The following TIAM1 variants were observed in gnomAD, a reference collection of about 807,000 sequenced individuals.
The protein encoded by TIAM1 is TIAM Rac1 associated GEF 1, also known as rho guanine nucleotide exchange factor TIAM1.
In TIAM1, 65 loss-of-function variants were observed where a neutral mutation model predicts 163.5. That is an observed-to-expected ratio of 0.40 (90% CI 0.33 to 0.49). The LOEUF (loss-of-function observed/expected upper bound fraction) is 0.49, where lower values mean the gene tolerates loss of function less well. Among genes scored for constraint, TIAM1 ranks in the 20% least tolerant of loss-of-function variants. TIAM1 has a pLI of 0.77. For synonymous variants in TIAM1, 833 were observed against 810.1 expected, an observed-to-expected ratio of 1.03 and a Z score of -0.48; for missense variants, 1,789 against 2,044.7, an observed-to-expected ratio of 0.87 and a Z score of 2.41.
chr21:31,208,545 C>T (rs1237435902), intron 11 of TIAM1, among the ~76,000 whole-genome samples: 1 of 152,174 alleles, frequency 6.6e-6, no homozygotes, highest in Non-Finnish European at 1.5e-5. Context: ...ATACCATTAT[C>T]TCCAAAAGCT....
rs373917748 is a variant in TIAM1 at position 31,510,906 on chromosome 21, G to A, written c.-421-46871C>T. ...GATGAGGACATATTGGAGTAGGGTG[G>A]TCCCTGAGTTCCTATGACTGGTGTC... On this transcript the variant is annotated intron_variant, in intron 1 of 28. Transcript: ENST00000286827. Among the ~76,000 whole-genome samples the A allele has an allele frequency of 1.3e-4, 20 of 152,278 alleles. No homozygotes were observed. The East Asian group carries it at 2.9e-3, about 22-fold the overall frequency.
chr21:31,375,902 C>T (rs888021752), intron 2 of TIAM1, among the ~76,000 whole-genome samples: 1 of 152,024 alleles, frequency 6.6e-6, no homozygotes, highest in African/African-American at 2.4e-5. Flanking sequence ...TGGTGGGCGC[C>T]TGTAATCCCA....
At chr21:31,299,718 C>A (rs758253761) in intron 2 of TIAM1, among the ~76,000 whole-genome samples, 9 of 152,162 alleles carry the variant, frequency 5.9e-5, no homozygotes, top group African/African-American at 1.7e-4. Flanking sequence ...CAGAGCCAGA[C>A]AGAATCGGCG....
In TIAM1 at chr21:31,342,835, G is replaced by A. The variant is rs368070776; in HGVS notation, c.-369+1303C>T. On this transcript the variant is annotated intron_variant, in intron 1 of 27. Transcript: ENST00000541036. ...TTTAAAAGTAATTTCCTCTCCATCT[G>A]TATCTTTAACTTCAAGGAAGTGGGA... Among the ~76,000 whole-genome samples the A allele has an allele frequency of 5.4e-4, 82 of 152,266 alleles. No homozygotes were observed. In the South Asian group the frequency reaches 0.016, roughly 30 times the overall value.
At chr21:31,550,833 A>C (rs988087550) in intron 1 of TIAM1, among the ~76,000 whole-genome samples, 16 of 152,190 alleles carry the variant, frequency 1.1e-4, no homozygotes, top group African/African-American at 3.4e-4. Flanking sequence ...AAGGGCAGGG[A>C]GGGATTAAAA....
chr21:31,271,608 A>G (rs2073059633), intron 3 of TIAM1, among the ~76,000 whole-genome samples: 1 of 152,104 alleles, frequency 6.6e-6, no homozygotes, highest in African/African-American at 2.4e-5. Context: ...GCACCTGTCT[A>G]ATTCCACTGA....
chr21:31,452,404 C>A, intron 2 of TIAM1: 1 of 283,662 alleles, frequency 3.5e-6, no homozygotes. Flanking sequence ...GCACTCCGGC[C>A]TGGGCCACAG....
At chr21:31,444,725 G>A (rs1046619790) in intron 2 of TIAM1, among the ~76,000 whole-genome samples, 2 of 152,158 alleles carry the variant, frequency 1.3e-5, no homozygotes, top group Admixed American at 6.5e-5. Flanking sequence ...CAGGCCAGGC[G>A]CGGTGGCTCA....
intron 12 of TIAM1, 93 bp from the exon 13 acceptor site, chr21:31,195,398 ATACT>A (rs1282217106): frequency 2.0e-5 from 18 of 882,122 alleles, no homozygotes; most frequent in South Asian, 3.3e-5. Flanking sequence ...TTCACAATTG[ATACT>A]TACGTGAATT....
chr21:31,266,359 T>C lies in TIAM1; in HGVS notation c.614A>G (p.Glu205Gly). The C allele has an allele frequency of 1.9e-6, 3 of 1,614,252 alleles. No homozygotes were observed. The highest frequency in any genetic ancestry group is 2.5e-6 in the Non-Finnish European group (3 of 1,180,046). ...CCCCCGAGCCTCCTCGCAGTCCTTC[T>C]CTTCGGCGGAACCCAAGATTTCTTC... ...SNEEILGSAE[E>G]KDCEEARGME... Residue 205 changes from glutamate (E) to glycine (G), a missense_variant, in exon 4 of 28, where the codon GAG (glutamate) becomes GGG (glycine). Physicochemically the swap from Glu to Gly is moderately conservative, Grantham distance 98. Coordinates refer to ENST00000541036, the MANE Select transcript of TIAM1 (RefSeq NM_001353694.2).
chr21:31,441,311 C>T (rs1211094268), intron 2 of TIAM1, among the ~76,000 whole-genome samples: 1 of 152,202 alleles, frequency 6.6e-6, no homozygotes, highest in African/African-American at 2.4e-5. Flanking sequence ...ATAAGAATCA[C>T]ATGTGACACT....
intron 2 of TIAM1, chr21:31,452,817 G>A: frequency 7.5e-6 from 4 of 531,924 alleles, no homozygotes; most frequent in South Asian, 5.6e-5. Flanking sequence ...GCAGGAAGAG[G>A]AGCTTGAGGA....
intron 18 of TIAM1, 86 bp downstream of exon 18, chr21:31,152,980 T>G: frequency 7.4e-7 from 1 of 1,348,610 alleles, no homozygotes; most frequent in Non-Finnish European, 1.0e-6. Context: ...ATGTTTTCAG[T>G]GTTACGCATG....
chr21:31,369,871 T>C (rs1268113350), intron 2 of TIAM1, among the ~76,000 whole-genome samples: 1 of 151,854 alleles, frequency 6.6e-6, no homozygotes, highest in Non-Finnish European at 1.5e-5. Flanking sequence ...TGTAATCCCA[T>C]CTACTCAGGA....
Position 31,164,968 on chromosome 21 carries a change from G to A in TIAM1, c.2985C>T (p.Ser995=). The A allele has an allele frequency of 1.2e-6, 2 of 1,614,040 alleles. No homozygotes were observed. The highest frequency in any genetic ancestry group is 1.7e-6 in the Non-Finnish European group (2 of 1,179,986). ...GAAAATGAAAATCTCTCACCTTGCT[G>A]CTGTGATCAGTCTCATCTGAGGATT... ...DLESSDETDH[S]SKSTEQVAAF... Residue 995 remains serine (S), a synonymous_variant, in exon 16 of 28, where the codon AGC becomes AGT. Coordinates refer to ENST00000541036, the MANE Select transcript of TIAM1 (RefSeq NM_001353694.2).
chr21:31,418,819 G>C (rs1163044516), intron 2 of TIAM1, among the ~76,000 whole-genome samples: 3 of 152,196 alleles, frequency 2.0e-5, no homozygotes, highest in African/African-American at 7.2e-5. Context: ...GCTTCAGAGA[G>C]AGGCCTTTTG....
At chr21:31,421,330 G>A (rs1221702027) in intron 2 of TIAM1, among the ~76,000 whole-genome samples, 1 of 152,034 alleles carries the variant, frequency 6.6e-6, no homozygotes, top group Non-Finnish European at 1.5e-5. Flanking sequence ...AAGAAGAGTC[G>A]GGAAGAATTC....
At chr21:31,489,507 C>CAGGGAGGGAAGGAAGGGAGGG (rs2046389864) in intron 1 of TIAM1, among the ~76,000 whole-genome samples, 1 of 73,646 alleles carries the variant, frequency 1.4e-5, no homozygotes, top group Non-Finnish European at 2.4e-5. Flanking sequence ...GGGAGGGAGA[C>CAGGGAGGGAAGGAAGGGAGGG]AGGGAGGGAA....
At chr21:31,315,663 G>A (rs1183188330) in intron 2 of TIAM1, among the ~76,000 whole-genome samples, 19 of 95,776 alleles carry the variant, frequency 2.0e-4, no homozygotes, top group Non-Finnish European at 2.6e-4. Flanking sequence ...TGGGCAACAA[G>A]AGCAAAACTC....
Sources: gnomAD v4.1 joint callset for allele counts (sites outside exome capture counted in the v4.1 genomes callset) on GRCh38, gnomAD v4.1.1 for gene constraint, MANE v1.5 for transcripts, NCBI Gene and HGNC (gene_info 2026-07-23, HGNC 2026-07-21) for gene names.